Variants in FOCAD observed in about 807,000 individuals in gnomAD.
The protein encoded by FOCAD is KIAA1797.
FOCAD carries 198 observed loss-of-function variants against 225.6 expected under a neutral mutation model. The ratio of observed to expected loss-of-function variants is 0.88; its 90% CI spans 0.78 to 0.99. The LOEUF (loss-of-function observed/expected upper bound fraction) is 0.99, where lower values mean the gene tolerates loss of function less well. Ranked by LOEUF, FOCAD falls within the 50% of genes least tolerant of loss-of-function variation. The pLI, the probability that FOCAD is intolerant of heterozygous loss-of-function variation, is 0.00. For missense variants in FOCAD, 2,713 were observed against 2,123.6 expected, an observed-to-expected ratio of 1.28 and a Z score of -5.46; for synonymous variants, 897 against 755.0, an observed-to-expected ratio of 1.19 and a Z score of -3.08.
intron 25 of FOCAD, among the ~76,000 whole-genome samples, chr9:20,924,874 C>T (rs114678197): frequency 2.5e-3 from 384 of 152,316 alleles, no homozygotes; most frequent in African/African-American, 8.5e-3. Context: ...CAACTTCAGT[C>T]ATTTATTATC....
At chr9:20,822,946 C>T in intron 14 of FOCAD, 43 bp from the exon 15 acceptor site, 1 of 1,540,710 alleles carries the variant, frequency 6.5e-7, no homozygotes, top group Non-Finnish European at 8.7e-7. Flanking sequence ...GTGATAACTG[C>T]ACTTTAGCAT....
intron 21 of FOCAD, among the ~76,000 whole-genome samples, chr9:20,889,555 T>C (rs1304588647): frequency 1.3e-5 from 2 of 152,192 alleles, no homozygotes; most frequent in East Asian, 1.9e-4. Context: ...CCCATATATG[T>C]TTGGGTCTAT....
chr9:20,907,546 A>G (rs1347598817), intron 22 of FOCAD, among the ~76,000 whole-genome samples: 3 of 151,828 alleles, frequency 2.0e-5, no homozygotes, highest in South Asian at 4.2e-4. Flanking sequence ...GTGCATCCCA[A>G]ACTGAGCTCA....
intron 35 of FOCAD, among the ~76,000 whole-genome samples, chr9:20,975,333 T>C (rs1283034153): frequency 2.6e-5 from 4 of 152,186 alleles, no homozygotes; most frequent in Admixed American, 2.0e-4. Context: ...TAAATAGGAA[T>C]ATAATATTAA....
At chr9:20,788,050 A>G (rs536313660) in intron 10 of FOCAD, among the ~76,000 whole-genome samples, 1 of 152,348 alleles carries the variant, frequency 6.6e-6, no homozygotes, top group East Asian at 1.9e-4. Context: ...CATTATCGCC[A>G]AAATGTGGAA....
chr9:20,658,074 C>T (rs1044056878), upstream of FOCAD, among the ~76,000 whole-genome samples: 3 of 148,460 alleles, frequency 2.0e-5, no homozygotes, highest in Admixed American at 6.7e-5. Context: ...GGGGGTGCCT[C>T]CCAGTTAGGC....
chr9:20,722,340 T>C lies in FOCAD; in HGVS notation c.287+1806T>C, dbSNP rs184030993. 6.7e-3 allele frequency among the ~76,000 whole-genome samples: 1,018 copies of C among 152,284 alleles called. 12 individuals carry two copies. The highest frequency in any genetic ancestry group is 8.7e-3 in the Non-Finnish European group (591 of 68,024). On this transcript the variant is annotated intron_variant, in intron 4 of 43. Transcript: ENST00000338382. Reference sequence around the variant, plus strand: ...CTAGACATCCACAACTCTTCAGTCTTCCTGAGCCCTTGTGTGTGTTCCACA... The same window carrying C: ...CTAGACATCCACAACTCTTCAGTCTCCCTGAGCCCTTGTGTGTGTTCCACA...
intron 27 of FOCAD, among the ~76,000 whole-genome samples, chr9:20,932,669 C>T (rs935987084): frequency 1.3e-5 from 2 of 152,180 alleles, no homozygotes; most frequent in African/African-American, 4.8e-5. Flanking sequence ...TGAAGAAAAT[C>T]ACTTAAGCAT....
chr9:20,828,748 CA>C (rs1825176473), intron 15 of FOCAD, among the ~76,000 whole-genome samples: 1 of 152,048 alleles, frequency 6.6e-6, no homozygotes, highest in African/African-American at 2.4e-5. Flanking sequence ...GTGTTAATCC[CA>C]GCAGGCATTA....
chr9:20,923,578 C>T (rs893992134), intron 24 of FOCAD, 82 bp from the exon 25 acceptor site: 2 of 1,000,906 alleles, frequency 2.0e-6, no homozygotes, highest in Non-Finnish European at 3.0e-6. Flanking sequence ...TTTTTGACTT[C>T]ACCTGCCCTC....
chr9:20,957,673 C>CTCTTTTTTTT (rs1361017091), intron 35 of FOCAD: 1 of 38,422 alleles, frequency 2.6e-5, no homozygotes, highest in African/African-American at 1.1e-4. Context: ...ATCTCTCTCT[C>CTCTTTTTTTT]TTTTTTTTTT....
intron 35 of FOCAD, among the ~76,000 whole-genome samples, chr9:20,963,925 G>A (rs568999918): frequency 1.3e-5 from 2 of 152,160 alleles, no homozygotes; most frequent in Non-Finnish European, 2.9e-5. Context: ...CTCCACGAGC[G>A]CAGGGACCTA....
intron 1 of FOCAD, among the ~76,000 whole-genome samples, chr9:20,696,347 C>T (rs559337313): frequency 6.6e-6 from 1 of 152,308 alleles, no homozygotes; most frequent in South Asian, 2.1e-4. Flanking sequence ...GACACACACA[C>T]ACACAATGGT....
intron 1 of FOCAD, among the ~76,000 whole-genome samples, chr9:20,704,198 C>T (rs1158882699): frequency 6.6e-6 from 1 of 152,112 alleles, no homozygotes; most frequent in Non-Finnish European, 1.5e-5. Context: ...TGTTTTTGTC[C>T]TTGTAACCAT....
chr9:20,795,537 G>C (rs1416952350), intron 11 of FOCAD, among the ~76,000 whole-genome samples: 1 of 151,746 alleles, frequency 6.6e-6, no homozygotes, highest in East Asian at 2.0e-4. Flanking sequence ...TGTAATCCCA[G>C]CACTTTGGGA....
intron 35 of FOCAD, among the ~76,000 whole-genome samples, chr9:20,962,603 G>A (rs1838852362): frequency 6.6e-6 from 1 of 152,118 alleles, no homozygotes; most frequent in Non-Finnish European, 1.5e-5. Context: ...TTTACTCTAA[G>A]GATTACACAT....
intron 5 of FOCAD, among the ~76,000 whole-genome samples, chr9:20,748,405 G>C (rs1202733458): frequency 6.6e-6 from 1 of 151,882 alleles, no homozygotes; most frequent in African/African-American, 2.4e-5. Flanking sequence ...CTGGTATGTA[G>C]CCTTTTTTGG....
At chr9:20,673,514 C>T (rs1481955980) in intron 2 of FOCAD, among the ~76,000 whole-genome samples, 6 of 152,124 alleles carry the variant, frequency 3.9e-5, no homozygotes, top group African/African-American at 1.4e-4. Flanking sequence ...TGATATTGAG[C>T]ATCTTTTCAT....
intron 2 of FOCAD, chr9:20,716,185 T>C: frequency 2.1e-6 from 1 of 468,632 alleles, no homozygotes; most frequent in Non-Finnish European, 4.7e-6. Context: ...CCTGGCTGGG[T>C]TGGAGTCATA....
Sources: gnomAD v4.1 joint callset for allele counts (sites outside exome capture counted in the v4.1 genomes callset) on GRCh38, gnomAD v4.1.1 for gene constraint, MANE v1.5 for transcripts, NCBI Gene and HGNC (gene_info 2026-07-23, HGNC 2026-07-21) for gene names.